CCDC9: variants seen among roughly 807,000 people sequenced by gnomAD.
CCDC9 encodes coiled-coil domain containing 9, also known as coiled-coil domain-containing protein 9.
CCDC9 carries 52 observed loss-of-function variants against 65.6 expected under a neutral mutation model. That is an observed-to-expected ratio of 0.79 (90% CI 0.63 to 1.00). The LOEUF (loss-of-function observed/expected upper bound fraction) is 1.00, where lower values mean the gene tolerates loss of function less well. Among genes scored for constraint, CCDC9 ranks in the 50% least tolerant of loss-of-function variants. The pLI is 0.00. For missense variants in CCDC9, 834 were observed against 757.2 expected (o/e 1.10, Z -1.19); for synonymous variants, 332 against 280.3 (o/e 1.18, Z -1.84).
chr19:47,274,850 G>T (rs2059146375), downstream of CCDC9: 2 of 1,111,460 alleles, frequency 1.8e-6, no homozygotes, highest in African/African-American at 1.7e-5. Context: ...GCGGTCTGCG[G>T]GGTGGGGGCG....
intron 1 of CCDC9, among the ~76,000 whole-genome samples, chr19:47,257,137 G>A (rs1443363334): frequency 1.3e-5 from 2 of 151,410 alleles, no homozygotes; most frequent in Non-Finnish European, 2.9e-5. Flanking sequence ...AGCGTTGGCC[G>A]GGAGGCGGGG....
At chr19:47,265,670 T>G (rs546120963) in intron 7 of CCDC9, among the ~76,000 whole-genome samples, 3 of 152,062 alleles carry the variant, frequency 2.0e-5, no homozygotes, top group African/African-American at 7.2e-5. Flanking sequence ...AGGTACTGTT[T>G]TAGGTGCTGA....
At position 47,264,666 on chromosome 19, in the gene CCDC9, G is replaced by A. The variant is rs760533096; in HGVS notation, c.526G>A (p.Glu176Lys). Residue 176 changes from glutamate to lysine, a missense_variant, in exon 6 of 12, where the codon GAG becomes AAG. Coordinates refer to ENST00000221922, the MANE Select transcript of CCDC9 (RefSeq NM_015603.3). ...KMNEEMEKIA[E>K]YERNQREGVL... is the part of the protein sequence containing the mutation. ...GAATGAGGAGATGGAGAAGATCGCC[G>A]AGTATGAGCGCAACCAGCGGGTCAG... 21 of 1,604,754 alleles carry A rather than the reference G, an allele frequency of 1.3e-5. No individual in the cohort carries two copies. The East Asian group carries it at 2.2e-4, about 17-fold the overall frequency.
At chr19:47,262,109 A>G (rs990403009) in intron 5 of CCDC9, among the ~76,000 whole-genome samples, 3 of 151,678 alleles carry the variant, frequency 2.0e-5, no homozygotes, top group Admixed American at 6.6e-5. Flanking sequence ...TAAGTGGAGT[A>G]GGAGTTTATT....
rs1345252641 is a variant in CCDC9 at position 47,264,788 on chromosome 19, C to T, written c.562C>T (p.Pro188Ser). 1.3e-6 allele frequency: 2 copies of T among 1,599,960 alleles called. No individual in the cohort carries two copies. Among genetic ancestry groups the T allele is most frequent in the African/African-American group, 1.3e-5 (1 of 74,644 alleles). ...ERNQREGVLE[P>S]NPVRNFLDDP... ...CTGCCTGCAGGAAGGGGTTCTTGAA[C>T]CCAACCCAGTGCGGAACTTCCTGGA... The change falls in exon 7 of 12, where the codon CCC becomes TCC. Residue 188 changes from proline (P) to serine (S), a missense_variant. Physicochemically the swap from Pro to Ser is moderately conservative, Grantham distance 74. Transcript: ENST00000221922.
downstream of CCDC9, chr19:47,273,431 G>T: frequency 8.1e-7 from 1 of 1,228,446 alleles, no homozygotes; most frequent in Non-Finnish European, 1.0e-6. Flanking sequence ...GGTGGTGGCG[G>T]CCCCTCCGCT....
At chr19:47,259,375 C>T (rs1313611886) in intron 3 of CCDC9, among the ~76,000 whole-genome samples, 1 of 152,052 alleles carries the variant, frequency 6.6e-6, no homozygotes, top group Non-Finnish European at 1.5e-5. Context: ...TTTAGGAAGA[C>T]GCCTCTGGGT....
At chr19:47,266,887 A>G in intron 8 of CCDC9, 95 bp downstream of exon 8, 2 of 1,416,364 alleles carry the variant, frequency 1.4e-6, no homozygotes, top group Non-Finnish European at 1.9e-6. Flanking sequence ...CCTGCTGTGT[A>G]TGAGTGAGTG....
At chr19:47,265,790 C>T (rs2059077897) in intron 7 of CCDC9, among the ~76,000 whole-genome samples, 1 of 150,618 alleles carries the variant, frequency 6.6e-6, no homozygotes, top group Admixed American at 6.6e-5. Flanking sequence ...CGGGTTCACA[C>T]CATTCTCCTG....
At chr19:47,263,430 G>A (rs1352517388) in intron 5 of CCDC9, among the ~76,000 whole-genome samples, 1 of 152,192 alleles carries the variant, frequency 6.6e-6, no homozygotes, top group African/African-American at 2.4e-5. Context: ...GGAGTCCCAG[G>A]GGATGCGCTG....
rs2059107786 is a variant in CCDC9 at position 47,270,354 on chromosome 19, CTCT to C, written c.903-51_903-49del. 1.9e-6 allele frequency: 3 copies of C among 1,577,072 alleles called. No individual in the cohort carries two copies. In the South Asian group the frequency reaches 3.3e-5, roughly 18 times the overall value. On this transcript the variant is annotated intron_variant, in intron 8 of 11. Transcript: ENST00000221922. ...CCTGACCTCTCCCATCTTCTTGATC[CTCT>C]TGTTACCCTGTTCCCCCAGCTGCCC...
chr19:47,268,293 G>A (rs910234062), intron 8 of CCDC9, among the ~76,000 whole-genome samples: 3 of 152,166 alleles, frequency 2.0e-5, no homozygotes, highest in Non-Finnish European at 4.4e-5. Context: ...TGGAAGAGCC[G>A]ATAAATAGCA....
downstream of CCDC9, chr19:47,275,416 C>T (rs551447469): frequency 8.0e-6 from 12 of 1,495,128 alleles, no homozygotes; most frequent in Non-Finnish European, 8.9e-6. Flanking sequence ...GAGGATGCAC[C>T]GTCTCTGGAT....
intron 3 of CCDC9, among the ~76,000 whole-genome samples, chr19:47,259,112 A>G (rs551357128): frequency 6.6e-6 from 1 of 152,300 alleles, no homozygotes; most frequent in Non-Finnish European, 1.5e-5. Flanking sequence ...TGGTGAGTAG[A>G]CAATAGCCAG....
chr19:47,268,101 C>A (rs947785869), intron 8 of CCDC9, among the ~76,000 whole-genome samples: 3 of 152,136 alleles, frequency 2.0e-5, no homozygotes, highest in African/African-American at 7.2e-5. Flanking sequence ...CCCACCTCAG[C>A]CTCCCAAAGT....
chr19:47,270,683 C>G lies in CCDC9; in HGVS notation c.1080C>G (p.Ala360=). Residue 360 remains alanine (A), a synonymous_variant, in exon 10 of 12, where the codon GCC becomes GCG. Coordinates refer to ENST00000221922, the MANE Select transcript of CCDC9 (RefSeq NM_015603.3). The part of the protein sequence containing the change: ...SRPQAKAAPR[A]YSDHDDRWET... ...CCCAGGCCAAGGCAGCGCCCAGGGCCTACAGGTGGGGCACCCCTTCTGCGG... is the reference window on the plus strand; with the variant it reads ...CCCAGGCCAAGGCAGCGCCCAGGGCGTACAGGTGGGGCACCCCTTCTGCGG... The G allele has an allele frequency of 6.2e-7, 1 of 1,610,616 alleles. No homozygotes were observed. The highest frequency in any genetic ancestry group is 1.1e-5 in the South Asian group (1 of 90,976).
chr19:47,272,608 C>T (rs2059130934), downstream of CCDC9, among the ~76,000 whole-genome samples: 6 of 152,106 alleles, frequency 3.9e-5, no homozygotes. Flanking sequence ...GGCGACAGAG[C>T]AAGACTCCGT....
chr19:47,258,428 A>G, intron 2 of CCDC9, 25 bp downstream of exon 2: 2 of 1,613,918 alleles, frequency 1.2e-6, no homozygotes, highest in Non-Finnish European at 1.7e-6. Flanking sequence ...TGGGGTCTCT[A>G]GAATCTGAGT....
At chr19:47,259,417 C>T (rs1229589431) in intron 3 of CCDC9, among the ~76,000 whole-genome samples, 7 of 152,028 alleles carry the variant, frequency 4.6e-5, no homozygotes, top group Non-Finnish European at 1.0e-4. Flanking sequence ...GGAGGTGATA[C>T]TGGAGCCCAG....
Sources: gnomAD v4.1 joint callset for allele counts (sites outside exome capture counted in the v4.1 genomes callset) on GRCh38, gnomAD v4.1.1 for gene constraint, MANE v1.5 for transcripts, NCBI Gene and HGNC (gene_info 2026-07-23, HGNC 2026-07-21) for gene names.